Variants in ANK3 observed in about 807,000 individuals in gnomAD.
ANK3 encodes the protein ankyrin-3.
ANK3 carries 57 observed loss-of-function variants against 370.9 expected under a neutral mutation model. That is an observed-to-expected ratio of 0.15 (90% CI 0.12 to 0.19). The LOEUF (loss-of-function observed/expected upper bound fraction) is 0.19. Among genes scored for constraint, ANK3 ranks in the 10% least tolerant of loss-of-function variants. The pLI, the probability that ANK3 is intolerant of heterozygous loss-of-function variation, is 1.00. For missense variants in ANK3, 4,439 were observed against 5,302.1 expected, an observed-to-expected ratio of 0.84 and a Z score of 5.06; for synonymous variants, 1,929 against 1,946.3, an observed-to-expected ratio of 0.99 and a Z score of 0.23.
chr10:60,363,071 G>C (rs1424157051), intron 1 of ANK3, among the ~76,000 whole-genome samples: 1 of 144,850 alleles, frequency 6.9e-6, no homozygotes, highest in African/African-American at 2.5e-5. Flanking sequence ...AGCTGGGGTT[G>C]CGGCGGGCGG....
intron 2 of ANK3, among the ~76,000 whole-genome samples, chr10:60,540,585 G>T (rs1019590495): frequency 6.6e-6 from 1 of 151,908 alleles, no homozygotes; most frequent in Non-Finnish European, 1.5e-5. Context: ...AGAAAGCATG[G>T]TACAGTGGGG....
At position 60,185,624 on chromosome 10, in the gene ANK3, G is replaced by C. The variant is rs543838284; in HGVS notation, c.2085+1091C>G. ...CTACTCCAATATCTGAGCTAGGCCT[G>C]AGAAATATCACAGCTATGCCCACAC... On this transcript the variant is annotated intron_variant, in intron 17 of 43. Transcript: ENST00000280772. Among the ~76,000 whole-genome samples, 23 of 152,314 alleles carry C rather than the reference G, an allele frequency of 1.5e-4. No individual in the cohort carries two copies. In the South Asian group the frequency reaches 3.7e-3, roughly 25 times the overall value.
At chr10:60,693,007 G>C (rs920547589) in intron 1 of ANK3, among the ~76,000 whole-genome samples, 1 of 152,212 alleles carries the variant, frequency 6.6e-6, no homozygotes, top group African/African-American at 2.4e-5. Context: ...CATCTCACTA[G>C]GGAGTGCCAG....
intron 2 of ANK3, among the ~76,000 whole-genome samples, chr10:60,523,427 T>C (rs1398041677): frequency 4.6e-5 from 6 of 131,658 alleles, no homozygotes; most frequent in Admixed American, 8.3e-5. Context: ...AGTGTGATGT[T>C]CCCCTTCTTG....
At chr10:60,390,829 T>C (rs2063044605), upstream of ANK3, among the ~76,000 whole-genome samples, 1 of 151,800 alleles carries the variant, frequency 6.6e-6, no homozygotes, top group African/African-American at 2.4e-5. Context: ...TGAAAATACT[T>C]TGTTAGCATG....
chr10:60,358,567 T>C (rs1594444001), intron 1 of ANK3, among the ~76,000 whole-genome samples: 1 of 152,348 alleles, frequency 6.6e-6, no homozygotes, highest in African/African-American at 2.4e-5. Flanking sequence ...CTGAGTTCCA[T>C]TGGTTTAAAA....
chr10:60,475,969 C>T (rs1422764337), intron 2 of ANK3, among the ~76,000 whole-genome samples: 2 of 152,020 alleles, frequency 1.3e-5, no homozygotes, highest in African/African-American at 2.4e-5. Context: ...AACCAATGTA[C>T]AAAAAAGAAA....
At position 60,086,106 on chromosome 10, in the gene ANK3, G is replaced by A. The variant is rs72818495; in HGVS notation, c.3748+571C>T. The stretch of plus-strand genomic sequence containing the variant: ...GGAATTGCAGTTAAAAATCGGACTA[G>A]GATAATCAAAGGATGAATTGAGCTC... On this transcript the variant is annotated intron_variant, in intron 30 of 43. Coordinates refer to ENST00000280772, the MANE Select transcript of ANK3 (RefSeq NM_020987.5). 2.8e-3 allele frequency among the ~76,000 whole-genome samples: 429 copies of A among 152,278 alleles called. 2 individuals are homozygous for A. The highest frequency in any genetic ancestry group is 3.1e-3 in the Non-Finnish European group (208 of 68,008).
At position 60,187,143 on chromosome 10, in the gene ANK3, A is replaced by ATTTTAT. The variant is rs570332567; in HGVS notation, c.1888-237_1888-232dup. Among the ~76,000 whole-genome samples the ATTTTAT allele has an allele frequency of 2.6e-3, 384 of 149,218 alleles. 2 individuals carry two copies. Among genetic ancestry groups the ATTTTAT allele is most frequent in the African/African-American group, 9.3e-3 (370 of 39,954 alleles). ...TTAATATGGACATTTTATTTATTTT[A>ATTTTAT]TTTTATTTTATTTTATTTTATTTTA... is the stretch of plus-strand genomic sequence containing the variant. On this transcript the variant is annotated intron_variant, in intron 16 of 43. Coordinates refer to ENST00000280772, the MANE Select transcript of ANK3 (RefSeq NM_020987.5).
chr10:60,226,801 C>T lies in ANK3; in HGVS notation c.897+7887G>A, dbSNP rs147383575. Reference sequence around the variant, plus strand: ...AATTAATATACCACTTTATGTATAACAAGAATTCTGCCATATTATAATTAT... The same window carrying T: ...AATTAATATACCACTTTATGTATAATAAGAATTCTGCCATATTATAATTAT... On this transcript the variant is annotated intron_variant, in intron 8 of 43. Transcript: ENST00000280772. Among the ~76,000 whole-genome samples, 357 of 146,494 alleles carry T rather than the reference C, an allele frequency of 2.4e-3. 3 individuals carry two copies. Among genetic ancestry groups the T allele is most frequent in the African/African-American group, 8.6e-3 (343 of 40,062 alleles).
At chr10:60,509,084 C>T (rs1394515977) in intron 2 of ANK3, among the ~76,000 whole-genome samples, 1 of 152,034 alleles carries the variant, frequency 6.6e-6, no homozygotes, top group Non-Finnish European at 1.5e-5. Flanking sequence ...CTAAAAAAGC[C>T]GTAAATAGAG....
At chr10:60,697,472 C>G (rs1239013233) in intron 1 of ANK3, among the ~76,000 whole-genome samples, 2 of 149,196 alleles carry the variant, frequency 1.3e-5, no homozygotes, top group African/African-American at 2.5e-5. Context: ...AAGAACAAAG[C>G]TGGAGGCATC....
chr10:60,220,400 G>C (rs7915448), intron 8 of ANK3, among the ~76,000 whole-genome samples: 1,526 of 152,212 alleles, frequency 0.01, 31 homozygotes, highest in African/African-American at 0.035. Context: ...GATGGGTAAG[G>C]GAAGCCAGGC....
intron 2 of ANK3, among the ~76,000 whole-genome samples, chr10:60,569,053 T>C (rs79479746): frequency 9.3e-5 from 4 of 43,034 alleles, no homozygotes; most frequent in Admixed American, 8.0e-4. Context: ...GTCTATTGTA[T>C]TTTTTTAATG....
At chr10:60,106,347 A>G (rs2092166433) in intron 27 of ANK3, among the ~76,000 whole-genome samples, 3 of 152,172 alleles carry the variant, frequency 2.0e-5, no homozygotes, top group Non-Finnish European at 4.4e-5. Flanking sequence ...TTTGAATCAG[A>G]ATGGAAACTT....
chr10:60,593,454 T>C (rs535288010), intron 2 of ANK3, among the ~76,000 whole-genome samples: 46 of 152,306 alleles, frequency 3.0e-4, no homozygotes, highest in African/African-American at 1.1e-3. Flanking sequence ...GGGCAGGTAA[T>C]ATAGAATAAT....
chr10:60,309,685 T>C (rs1044296441), intron 1 of ANK3, among the ~76,000 whole-genome samples: 1 of 152,200 alleles, frequency 6.6e-6, no homozygotes, highest in Admixed American at 6.5e-5. Flanking sequence ...AAAATTAATA[T>C]ACTCTGTTTA....
chr10:60,320,600 AAAAC>A lies in ANK3; in HGVS notation c.115-40965_115-40962del, dbSNP rs570588026. Among the ~76,000 whole-genome samples, 39 of 152,248 alleles carry A rather than the reference AAAAC, an allele frequency of 2.6e-4. No individual in the cohort carries two copies. In the South Asian group the frequency reaches 4.8e-3, roughly 19 times the overall value. On this transcript the variant is annotated intron_variant, in intron 1 of 43. Coordinates refer to ENST00000280772, the MANE Select transcript of ANK3 (RefSeq NM_020987.5). ...GGCAACAGACTGAGACTCCATCTCA[AAAAC>A]AAACAAACAAAGCAATATGTTTGAA...
intron 1 of ANK3, among the ~76,000 whole-genome samples, chr10:60,357,623 T>C (rs1274146073): frequency 2.6e-5 from 4 of 152,216 alleles, no homozygotes; most frequent in African/African-American, 4.8e-5. Context: ...TTTGTTACTA[T>C]GAATCTTGAA....
Sources: gnomAD v4.1 joint callset for allele counts (sites outside exome capture counted in the v4.1 genomes callset) on GRCh38, gnomAD v4.1.1 for gene constraint, MANE v1.5 for transcripts, NCBI Gene and HGNC (gene_info 2026-07-23, HGNC 2026-07-21) for gene names.